MBOAT1: variants seen among roughly 807,000 people sequenced by gnomAD.
MBOAT1 encodes the protein membrane bound glycerophospholipid O-acyltransferase 1.
A neutral mutation model predicts 64.4 loss-of-function variants in MBOAT1; 67 were observed. That is an observed-to-expected ratio of 1.04 (90% CI 0.85 to 1.27). The LOEUF (loss-of-function observed/expected upper bound fraction) is 1.27. Ranked by LOEUF, MBOAT1 falls within the 50% of genes most tolerant of loss-of-function variation. MBOAT1 has a pLI of 0.00. For synonymous variants in MBOAT1, 229 were observed against 218.9 expected (o/e 1.05, Z -0.41); for missense variants, 563 against 604.6 (o/e 0.93, Z 0.72).
At chr6:20,192,064 T>A (rs1304752349) in intron 1 of MBOAT1, among the ~76,000 whole-genome samples, 1 of 152,160 alleles carries the variant, frequency 6.6e-6, no homozygotes, top group African/African-American at 2.4e-5. Flanking sequence ...TTCCCACAGA[T>A]GAAGCCACTC....
At chr6:20,200,133 A>G (rs1181602285) in intron 1 of MBOAT1, among the ~76,000 whole-genome samples, 1 of 152,200 alleles carries the variant, frequency 6.6e-6, no homozygotes, top group Non-Finnish European at 1.5e-5. Context: ...CTGCCAGAGT[A>G]TAGTTCACAT....
chr6:20,143,958 G>A (rs966034872), intron 4 of MBOAT1, among the ~76,000 whole-genome samples: 12 of 152,172 alleles, frequency 7.9e-5, no homozygotes, highest in Admixed American at 2.6e-4. Flanking sequence ...GCCTGGTTGC[G>A]TTCCAATATA....
intron 4 of MBOAT1, among the ~76,000 whole-genome samples, chr6:20,134,747 T>C (rs1180114449): frequency 1.3e-5 from 2 of 152,160 alleles, no homozygotes; most frequent in African/African-American, 2.4e-5. Context: ...AGATCTGATA[T>C]GAAAATGTAC....
At chr6:20,103,348 A>C (rs1481102913) in intron 12 of MBOAT1, among the ~76,000 whole-genome samples, 1 of 152,256 alleles carries the variant, frequency 6.6e-6, no homozygotes, top group East Asian at 1.9e-4. Flanking sequence ...AAAATAGAAA[A>C]AAGCTTACAA....
At position 20,199,285 on chromosome 6, in the gene MBOAT1, C is replaced by T. The variant is rs767840018; in HGVS notation, c.99+12851G>A. Among the ~76,000 whole-genome samples the T allele has an allele frequency of 4.7e-4, 71 of 152,254 alleles. 2 individuals are homozygous for T. The highest frequency in any genetic ancestry group is 3.4e-3 in the Middle Eastern group (1 of 294). On this transcript the variant is annotated intron_variant, in intron 1 of 12. Coordinates refer to ENST00000324607, the MANE Select transcript of MBOAT1 (RefSeq NM_001080480.3). ...TCATTAAGATGAAACAGAGCTTCAC[C>T]CTCTATCTTGATGAAATGATTGTTT...
intron 1 of MBOAT1, among the ~76,000 whole-genome samples, chr6:20,199,230 A>C (rs1030168897): frequency 6.6e-6 from 1 of 152,220 alleles, no homozygotes; most frequent in Non-Finnish European, 1.5e-5. Context: ...AAACTTCTTT[A>C]AATTTAATTT....
chr6:20,112,670 G>A (rs1353769186), intron 11 of MBOAT1, among the ~76,000 whole-genome samples: 2 of 152,070 alleles, frequency 1.3e-5, no homozygotes. Context: ...AACATACAAT[G>A]GTTAACCATT....
chr6:20,205,325 C>G (rs1255315224), intron 1 of MBOAT1, among the ~76,000 whole-genome samples: 6 of 152,166 alleles, frequency 3.9e-5, no homozygotes, highest in African/African-American at 1.4e-4. Context: ...CAGAGCAGTG[C>G]TGAGAGCGTA....
At position 20,102,008 on chromosome 6, in the gene MBOAT1, G is replaced by C. The variant is rs149073617; in HGVS notation, c.*278C>G. 0.019 allele frequency: 3,161 copies of C among 165,516 alleles called. 102 individuals carry two copies. Among genetic ancestry groups the C allele is most frequent in the African/African-American group, 0.073 (2,966 of 40,776 alleles). 10.3% of individuals were successfully genotyped at this position (165,516 alleles called of 1,614,324 possible). On this transcript the variant is annotated 3_prime_UTR_variant, in exon 13 of 13. Coordinates refer to ENST00000324607, the MANE Select transcript of MBOAT1 (RefSeq NM_001080480.3). ...CGGGCGCCTGTAGTCCCAGCTACTTGGGAGGCTGAGGCAGGAGAATGGCGT... is the reference window on the plus strand; with the variant it reads ...CGGGCGCCTGTAGTCCCAGCTACTTCGGAGGCTGAGGCAGGAGAATGGCGT...
chr6:20,171,309 G>A (rs1180925616), intron 1 of MBOAT1, among the ~76,000 whole-genome samples: 1 of 149,160 alleles, frequency 6.7e-6, no homozygotes, highest in Non-Finnish European at 1.5e-5. Flanking sequence ...GGCCAAGGCA[G>A]AAGGATTGCT....
intron 1 of MBOAT1, among the ~76,000 whole-genome samples, chr6:20,204,546 G>A (rs949853078): frequency 2.0e-5 from 3 of 152,048 alleles, no homozygotes; most frequent in African/African-American, 7.2e-5. Context: ...GAAAGAAGGG[G>A]TCCATTTGGC....
chr6:20,186,946 T>G (rs1054280664), intron 1 of MBOAT1, among the ~76,000 whole-genome samples: 1 of 152,250 alleles, frequency 6.6e-6, no homozygotes. Context: ...ACACGGTTAA[T>G]GAAACAAATT....
At chr6:20,123,925 GC>G (rs1220821298) in intron 8 of MBOAT1, among the ~76,000 whole-genome samples, 1 of 152,130 alleles carries the variant, frequency 6.6e-6, no homozygotes, top group Non-Finnish European at 1.5e-5. Context: ...GGGTGTGGTG[GC>G]GGACGCCTGT....
chr6:20,190,379 C>A (rs1762771868), intron 1 of MBOAT1, among the ~76,000 whole-genome samples: 1 of 152,138 alleles, frequency 6.6e-6, no homozygotes, highest in Non-Finnish European at 1.5e-5. Context: ...CTTCACCCTC[C>A]CCAGTAAGCC....
chr6:20,175,231 T>C (rs1231833385), intron 1 of MBOAT1, among the ~76,000 whole-genome samples: 4 of 152,166 alleles, frequency 2.6e-5, no homozygotes, highest in Non-Finnish European at 5.9e-5. Flanking sequence ...TGCTTCTTTT[T>C]AAGTCAAGTA....
At chr6:20,196,630 G>A (rs141071681) in intron 1 of MBOAT1, among the ~76,000 whole-genome samples, 257 of 152,302 alleles carry the variant, frequency 1.7e-3, no homozygotes, top group African/African-American at 6.0e-3. Flanking sequence ...GGAGGCCAAG[G>A]CAGGTGGATC....
At chr6:20,190,510 G>A (rs1214557822) in intron 1 of MBOAT1, among the ~76,000 whole-genome samples, 1 of 152,102 alleles carries the variant, frequency 6.6e-6, no homozygotes. Flanking sequence ...GGGACATGAG[G>A]TCATAATACA....
chr6:20,157,768 A>G (rs528263045), intron 1 of MBOAT1, among the ~76,000 whole-genome samples: 103 of 152,194 alleles, frequency 6.8e-4, no homozygotes, highest in Non-Finnish European at 1.3e-3. Flanking sequence ...TAAAGAAAAA[A>G]GACACTTTTT....
chr6:20,128,938 G>A (rs1485983971), intron 5 of MBOAT1, among the ~76,000 whole-genome samples, 185 bp from the exon 6 acceptor site: 1 of 152,022 alleles, frequency 6.6e-6, no homozygotes, highest in East Asian at 1.9e-4. Flanking sequence ...AAGTACACGT[G>A]TGAGAAGCAA....
Sources: gnomAD v4.1 joint callset for allele counts (sites outside exome capture counted in the v4.1 genomes callset) on GRCh38, gnomAD v4.1.1 for gene constraint, MANE v1.5 for transcripts, NCBI Gene and HGNC (gene_info 2026-07-23, HGNC 2026-07-21) for gene names.